SCD: variants seen among roughly 807,000 people sequenced by gnomAD.
The protein encoded by SCD is acyl-CoA desaturase.
In SCD, 4 loss-of-function variants were observed where a neutral mutation model predicts 35.7. The observed-to-expected ratio is 0.11, with a 90% CI of 0.06 to 0.26. The LOEUF is 0.26. Among genes scored for constraint, SCD ranks in the 10% least tolerant of loss-of-function variants. The probability of loss-of-function intolerance (pLI) is 1.00; values close to 1 mark genes in which losing one functional copy is unlikely to be tolerated. For missense variants in SCD, 282 were observed against 460.7 expected, an observed-to-expected ratio of 0.61 and a Z score of 3.55; for synonymous variants, 150 against 170.2, an observed-to-expected ratio of 0.88 and a Z score of 0.92.
chr10:100,358,542 A>C (rs2133596603), intron 5 of SCD, among the ~76,000 whole-genome samples: 1 of 147,574 alleles, frequency 6.8e-6, no homozygotes, highest in South Asian at 2.2e-4. Context: ...CAGTGAGCCG[A>C]GATTCCGCCA....
At chr10:100,360,334 A>G (rs1463220856) in intron 5 of SCD, among the ~76,000 whole-genome samples, 1 of 152,222 alleles carries the variant, frequency 6.6e-6, no homozygotes, top group Non-Finnish European at 1.5e-5. Context: ...CAAAAGTAGG[A>G]GCTTCTCTCT....
rs1434678059 is a variant in SCD, at chr10:100,356,405, G to T, written c.648-127G>T. 2.8e-6 allele frequency: 2 copies of T among 718,362 alleles called. No homozygotes were observed. The highest frequency in any genetic ancestry group is 1.8e-5 in the African/African-American group (1 of 55,980). The allele number at this position is 718,362 out of a possible 1,614,324, so 44.5% of individuals were successfully genotyped here. A position where few individuals can be genotyped will look rare whatever the true frequency, so the allele number is the denominator to read the frequency against. On this transcript the variant is annotated intron_variant, in intron 4 of 5. Coordinates refer to ENST00000370355, the MANE Select transcript of SCD (RefSeq NM_005063.5). This position sits in a 1 kb window ranked among gnomAD's most constrained non-coding sequence, Gnocchi z 4.1. ...AACAAACAAAAATAAATAAAACAAT[G>T]AACTTAGAGTCAGACAAGCAATTCA...
chr10:100,355,700 T>C (rs1849920552), intron 4 of SCD, among the ~76,000 whole-genome samples: 1 of 151,490 alleles, frequency 6.6e-6, no homozygotes, highest in Admixed American at 6.6e-5. Flanking sequence ...GAGAAAAGAG[T>C]TGGGTGCAGG....
rs769580233 is a variant in SCD at position 100,356,571 on chromosome 10, G to A, written c.687G>A (p.Leu229=). 5.0e-6 allele frequency: 8 copies of A among 1,614,034 alleles called. No homozygotes were observed. The highest frequency in any genetic ancestry group is 5.9e-6 in the Non-Finnish European group (7 of 1,179,942). ...KPGLLMMCFI[L]PTLVPWYFWG... is the part of the protein sequence containing the mutation. ...GCTTGCTGATGATGTGCTTCATCCT[G>A]CCCACGCTTGTGCCCTGGTATTTCT... Residue 229 remains leucine (L), a synonymous_variant, in exon 5 of 6, where the codon CTG becomes CTA. Transcript: ENST00000370355. This position sits in a 1 kb window ranked among gnomAD's most constrained non-coding sequence, Gnocchi z 4.1.
chr10:100,348,534 G>C (rs1366799605), intron 2 of SCD, among the ~76,000 whole-genome samples, 188 bp downstream of exon 2: 2 of 152,146 alleles, frequency 1.3e-5, no homozygotes, highest in African/African-American at 4.8e-5. Flanking sequence ...ATGCAGGACT[G>C]TCAATGCTGG....
chr10:100,348,287 T>C lies in SCD; in HGVS notation c.251T>C (p.Leu84Ser). 6.2e-7 allele frequency: 1 copy of C among 1,614,154 alleles called. No homozygotes were observed. The highest frequency in any genetic ancestry group is 8.5e-7 in the Non-Finnish European group (1 of 1,180,030). ...RNIILMSLLH[L>S]GALYGITLIP... ...ATCATCCTTATGTCTCTGCTACACT[T>C]GGGAGCCCTGTATGGGATCACTTTG... Residue 84 changes from leucine to serine, a missense_variant, in exon 2 of 6, where the codon TTG becomes TCG. Physicochemically the swap from Leu to Ser is moderately radical, Grantham distance 145. Coordinates refer to ENST00000370355, the MANE Select transcript of SCD (RefSeq NM_005063.5).
rs1219944187 is a variant in SCD at position 100,356,233 on chromosome 10, T to C, written c.648-299T>C. Among the ~76,000 whole-genome samples the C allele has an allele frequency of 6.6e-6, 1 of 151,832 alleles. No homozygotes were observed. Among genetic ancestry groups the C allele is most frequent in the Non-Finnish European group, 1.5e-5 (1 of 67,972 alleles). ...TCTCTACAAAAAATTAAAAACTAAA[T>C]GGGCACGATGGTTCATGCCTGTGGT... On this transcript the variant is annotated intron_variant, in intron 4 of 5. Coordinates refer to ENST00000370355, the MANE Select transcript of SCD (RefSeq NM_005063.5). The surrounding 1 kb of genome is among the most constrained non-coding windows in gnomAD (Gnocchi z 4.1).
intron 2 of SCD, among the ~76,000 whole-genome samples, chr10:100,350,984 TGGG>T (rs2133592598): frequency 6.6e-6 from 1 of 152,136 alleles, no homozygotes; most frequent in African/African-American, 2.4e-5. Flanking sequence ...GAGGTAGGGT[TGGG>T]GGGAAAAGGA....
chr10:100,349,757 A>G (rs1396754441), intron 2 of SCD, among the ~76,000 whole-genome samples: 1 of 152,092 alleles, frequency 6.6e-6, no homozygotes, highest in Admixed American at 6.5e-5. Flanking sequence ...TACCAGGAAG[A>G]GCTCTTGTAT....
intron 2 of SCD, among the ~76,000 whole-genome samples, chr10:100,350,205 C>T (rs757843936): frequency 3.3e-5 from 5 of 151,708 alleles, no homozygotes; most frequent in African/African-American, 4.8e-5. Context: ...ATGACCATGT[C>T]GATGTGGGGA....
rs1033597450 is a variant in SCD at position 100,352,522 on chromosome 10, T to G, written c.441+26T>G. The G allele has an allele frequency of 6.2e-7, 1 of 1,609,966 alleles. No individual in the cohort carries two copies. The highest frequency in any genetic ancestry group is 1.7e-5 in the Admixed American group (1 of 59,950). On this transcript the variant is annotated intron_variant, in intron 3 of 5. Transcript: ENST00000370355. This position sits in a 1 kb window ranked among gnomAD's most constrained non-coding sequence, Gnocchi z 4.2. ...GTAAGAAGTTGTCTCTGCTCAGCTGTTTGTCCTCCACACTATTAATGATCC... is the reference window on the plus strand; with the variant it reads ...GTAAGAAGTTGTCTCTGCTCAGCTGGTTGTCCTCCACACTATTAATGATCC...
chr10:100,347,781 T>C (rs894995228), intron 1 of SCD, among the ~76,000 whole-genome samples: 1 of 152,178 alleles, frequency 6.6e-6, no homozygotes, highest in Non-Finnish European at 1.5e-5. Flanking sequence ...CGGGTTTTCC[T>C]TTGTCTTCGT....
chr10:100,351,386 C>T (rs150109401), intron 2 of SCD, among the ~76,000 whole-genome samples: 14 of 152,078 alleles, frequency 9.2e-5, no homozygotes, highest in South Asian at 6.2e-4. Flanking sequence ...GTGGCAAAGG[C>T]GAGACAGAGG....
chr10:100,360,335 G>T (rs1384382583), intron 5 of SCD, among the ~76,000 whole-genome samples: 1 of 152,238 alleles, frequency 6.6e-6, no homozygotes, highest in Non-Finnish European at 1.5e-5. Flanking sequence ...AAAAGTAGGA[G>T]CTTCTCTCTA....
At chr10:100,358,287 A>AGC (rs1849950021) in intron 5 of SCD, among the ~76,000 whole-genome samples, 1 of 151,700 alleles carries the variant, frequency 6.6e-6, no homozygotes, top group Non-Finnish European at 1.5e-5. Context: ...AATAGCCGTG[A>AGC]GCCACTGCGC....
rs1849990928 is a variant in SCD, at chr10:100,361,614, G to C, written c.*681G>C. 1 of 152,246 alleles carries C rather than the reference G, an allele frequency of 6.6e-6. No individual in the cohort carries two copies. The highest frequency in any genetic ancestry group is 6.5e-5 in the Admixed American group (1 of 15,280). 9.4% of individuals were successfully genotyped at this position (152,246 alleles called of 1,614,324 possible). On this transcript the variant is annotated 3_prime_UTR_variant, in exon 6 of 6. Coordinates refer to ENST00000370355, the MANE Select transcript of SCD (RefSeq NM_005063.5). ...ACATAGCATGCTTCCTTTCTCTCCT[G>C]GCTCGGGGTAAAAAGTGGCTGCGGT...
At position 100,363,614 on chromosome 10, in the gene SCD, T is replaced by A. The variant is rs1022273184; in HGVS notation, c.*2681T>A. 3 of 152,262 alleles carry A rather than the reference T, an allele frequency of 2.0e-5. No individual in the cohort carries two copies. The highest frequency in any genetic ancestry group is 7.2e-5 in the African/African-American group (3 of 41,448). 9.4% of individuals were successfully genotyped at this position (152,262 alleles called of 1,614,324 possible). ...AATAAAAACAACTTTCACTTCTTCC[T>A]ATTGTAATCGTGTGCCATGGATCTG... On this transcript the variant is annotated 3_prime_UTR_variant, in exon 6 of 6. Transcript: ENST00000370355.
In SCD at chr10:100,364,521, C is replaced by T. The variant is rs201284015; in HGVS notation, c.*3588C>T. ...AGGAATGTCCACCATGAACTTGATA[C>T]GTCCGTGTGTCCCAGATGCTGTCAT... is the stretch of plus-strand genomic sequence containing the variant. On this transcript the variant is annotated 3_prime_UTR_variant, in exon 6 of 6. Coordinates refer to ENST00000370355, the MANE Select transcript of SCD (RefSeq NM_005063.5). 7 of 152,572 alleles carry T rather than the reference C, an allele frequency of 4.6e-5. No individual in the cohort carries two copies. Among genetic ancestry groups the T allele is most frequent in the East Asian group, 1.9e-4 (1 of 5,196 alleles). 9.5% of individuals were successfully genotyped at this position (152,572 alleles called of 1,614,324 possible).
At position 100,356,838 on chromosome 10, in the gene SCD, C is replaced by A. The variant is rs576150970; in HGVS notation, c.880+74C>A. On this transcript the variant is annotated intron_variant, in intron 5 of 5. Transcript: ENST00000370355. This position sits in a 1 kb window ranked among gnomAD's most constrained non-coding sequence, Gnocchi z 4.1. ...GGGATTAGGCTAGGAGCCAGAAAAA[C>A]TAGATAAATCTGTTTTTTATGGCTA... 14 of 1,197,196 alleles carry A rather than the reference C, an allele frequency of 1.2e-5. No individual in the cohort carries two copies. In the East Asian group the frequency reaches 3.5e-4, roughly 30 times the overall value. The allele number at this position is 1,197,196 out of a possible 1,614,324, so 74.2% of individuals were successfully genotyped here. A position where few individuals can be genotyped will look rare whatever the true frequency, so the allele number is the denominator to read the frequency against.
Sources: allele counts gnomAD v4.1 joint callset (sites outside exome capture counted in the v4.1 genomes callset), GRCh38; gene constraint gnomAD v4.1.1; non-coding constraint Gnocchi (gnomAD v3.1); transcripts MANE v1.5; gene names NCBI Gene and HGNC (gene_info 2026-07-23, HGNC 2026-07-21).